Variants in SART1 observed in about 807,000 individuals in gnomAD.
SART1 encodes U4/U6.U5 tri-snRNP-associated protein 1.
SART1 carries 28 observed loss-of-function variants against 105.0 expected under a neutral mutation model. The observed-to-expected ratio is 0.27, with a 90% confidence interval of 0.20 to 0.37. The LOEUF (loss-of-function observed/expected upper bound fraction) is 0.37, where lower values mean the gene tolerates loss of function less well. Ranked by LOEUF, SART1 falls within the 10% of genes least tolerant of loss-of-function variation. The pLI, the probability that SART1 is intolerant of heterozygous loss-of-function variation, is 1.00. For synonymous variants in SART1, 472 were observed against 462.9 expected, an observed-to-expected ratio of 1.02 and a Z score of -0.25; for missense variants, 894 against 1,106.5, an observed-to-expected ratio of 0.81 and a Z score of 2.72.
At chr11:65,962,169 T>A in intron 1 of SART1, 76 bp downstream of exon 1, 2 of 1,124,216 alleles carry the variant, frequency 1.8e-6, no homozygotes, top group Non-Finnish European at 2.4e-6. Flanking sequence ...GTGCGCGCAG[T>A]GTCAGCGAAG....
At chr11:65,969,264 C>T (rs937125147) in intron 12 of SART1, among the ~76,000 whole-genome samples, 2 of 152,130 alleles carry the variant, frequency 1.3e-5, no homozygotes, top group Non-Finnish European at 2.9e-5. Flanking sequence ...AGTGAGTGGG[C>T]GTGGCTGGGT....
At chr11:65,974,892 T>A (rs964821599) in intron 12 of SART1, among the ~76,000 whole-genome samples, 3 of 151,052 alleles carry the variant, frequency 2.0e-5, no homozygotes, top group Admixed American at 6.6e-5. Flanking sequence ...ACAAAAAAAT[T>A]AGCTGGGCGT....
At chr11:65,973,918 G>A (rs1164544378) in intron 12 of SART1, among the ~76,000 whole-genome samples, 3 of 152,000 alleles carry the variant, frequency 2.0e-5, no homozygotes, top group African/African-American at 7.3e-5. Flanking sequence ...ACTGTTCAGG[G>A]GCAGGTCCTT....
At chr11:65,964,183 TG>T in intron 2 of SART1, 52 bp downstream of exon 2, 1 of 1,509,274 alleles carries the variant, frequency 6.6e-7, no homozygotes. Context: ...GAGGTGGCTC[TG>T]GGGCCAGCAC....
In SART1 at chr11:65,976,799, G is replaced by T; in HGVS notation, c.1857+33G>T. The T allele has an allele frequency of 6.5e-7, 1 of 1,546,228 alleles. No individual in the cohort carries two copies. The highest frequency in any genetic ancestry group is 8.8e-7 in the Non-Finnish European group (1 of 1,136,446). ...CCGCGCCGCTGGGGGGTGGGCGTTT[G>T]GGGGTGCTCAAGCTGGAGATGAGCA... On this transcript the variant is annotated intron_variant, in intron 14 of 19. Transcript: ENST00000312397. This position sits in a 1 kb window ranked among gnomAD's most constrained non-coding sequence, Gnocchi z 5.1.
rs138059558 is a variant in SART1, at chr11:65,977,582, G to A, written c.1965G>A (p.Val655=). Residue 655 remains valine (V), a synonymous_variant, in exon 16 of 20, where the codon GTG becomes GTA. Coordinates refer to ENST00000312397, the MANE Select transcript of SART1 (RefSeq NM_005146.5). The stretch of plus-strand genomic sequence containing the variant: ...CCCTAGGGCTGCTGGAGACCACAGT[G>A]CAGAAGGTGGCCCGGGTGAAGGCCC... The part of the protein sequence containing the change: ...CQNKGLLETT[V]QKVARVKAPN... 1.2e-6 allele frequency: 2 copies of A among 1,613,872 alleles called. No individual in the cohort carries two copies. Among genetic ancestry groups the A allele is most frequent in the African/African-American group, 2.7e-5 (2 of 74,880 alleles).
chr11:65,962,125 T>TGGGGGGGGGGG, intron 1 of SART1, 32 bp downstream of exon 1: 14 of 62,120 alleles, frequency 2.3e-4, no homozygotes, highest in South Asian at 3.6e-4. Flanking sequence ...AGGGGGCGGG[T>TGGGGGGGGGGG]CGGGCGGGGG....
intron 3 of SART1, 151 bp downstream of exon 3, chr11:65,964,721 T>C (rs944994375): frequency 6.5e-6 from 5 of 766,508 alleles, no homozygotes; most frequent in African/African-American, 3.5e-5. Flanking sequence ...CTTGCTGGTA[T>C]AATGGGGATC....
chr11:65,978,970 G>C lies in SART1; in HGVS notation c.2385-42G>C. On this transcript the variant is annotated intron_variant, in intron 19 of 19. Coordinates refer to ENST00000312397, the MANE Select transcript of SART1 (RefSeq NM_005146.5). The surrounding 1 kb of genome is among the most constrained non-coding windows in gnomAD (Gnocchi z 6.8). ...GTGGTGGGGAGGGGTGGCGTGGCCT[G>C]TGCCCGCCTCTGCAGCCTCACGCCC... The C allele has an allele frequency of 6.2e-7, 1 of 1,613,556 alleles. No homozygotes were observed. The highest frequency in any genetic ancestry group is 1.6e-4 in the Middle Eastern group (1 of 6,062).
chr11:65,976,991 C>T lies in SART1; in HGVS notation c.1858-23C>T, dbSNP rs1239520747. The T allele has an allele frequency of 2.5e-6, 4 of 1,601,544 alleles. No individual in the cohort carries two copies. In the African/African-American group the frequency reaches 5.4e-5, roughly 21 times the overall value. On this transcript the variant is annotated intron_variant, in intron 14 of 19. Coordinates refer to ENST00000312397, the MANE Select transcript of SART1 (RefSeq NM_005146.5). This position sits in a 1 kb window ranked among gnomAD's most constrained non-coding sequence, Gnocchi z 5.1. ...AGAAGAGCCGGTATGGCCTGCTAACCACCCCCGCCACGTGTCCCGTAGTTC... is the reference window on the plus strand; with the variant it reads ...AGAAGAGCCGGTATGGCCTGCTAACTACCCCCGCCACGTGTCCCGTAGTTC...
intron 12 of SART1, among the ~76,000 whole-genome samples, chr11:65,972,479 T>C (rs1007263528): frequency 1.3e-5 from 2 of 152,160 alleles, no homozygotes; most frequent in Admixed American, 6.6e-5. Flanking sequence ...TTTATAACTT[T>C]TTGGTAGAAA....
chr11:65,979,294 T>C lies in SART1; in HGVS notation c.*264T>C, dbSNP rs1485751640. The C allele has an allele frequency of 6.8e-6, 4 of 586,410 alleles. No individual in the cohort carries two copies. Among genetic ancestry groups the C allele is most frequent in the Admixed American group, 3.0e-5 (1 of 33,302 alleles). 36.3% of individuals were successfully genotyped at this position (586,410 alleles called of 1,614,324 possible). A position where few individuals can be genotyped will look rare whatever the true frequency, so the allele number is the denominator to read the frequency against. The stretch of plus-strand genomic sequence containing the variant: ...CACCTCTGCAGGGCCGGCTCTCTGA[T>C]AGAAAGTGGAAGGCGGTTTTAGAAA... On this transcript the variant is annotated 3_prime_UTR_variant, in exon 20 of 20. Transcript: ENST00000312397.
In SART1 at chr11:65,962,035, G is replaced by A. The variant is rs934172179; in HGVS notation, c.255G>A (p.Gln85=). ...RSSTHGRERS[Q]AEPSERRVKR... is the part of the protein sequence containing the mutation. The stretch of plus-strand genomic sequence containing the variant: ...GCACGCACGGGCGGGAGCGCAGCCA[G>A]GCAGAGCCCTCCGAGCGGCGCGTGA... The change falls in exon 1 of 20, where the codon CAG becomes CAA. Residue 85 remains glutamine, a synonymous_variant. Transcript: ENST00000312397. 6.6e-6 allele frequency: 10 copies of A among 1,505,446 alleles called. No individual in the cohort carries two copies. Among genetic ancestry groups the A allele is most frequent in the Non-Finnish European group, 8.8e-6 (10 of 1,133,020 alleles). 93.3% of individuals were successfully genotyped at this position (1,505,446 alleles called of 1,614,324 possible).
chr11:65,962,134 G>GGTGGGGGGGGGGGGGGGGGGGC, intron 1 of SART1, 41 bp downstream of exon 1: 1 of 378,092 alleles, frequency 2.6e-6, no homozygotes, highest in African/African-American at 2.3e-5. Context: ...GTCGGGCGGG[G>GGTGGGGGGGGGGGGGGGGGGGC]GTCCCGGAAC....
In SART1 at chr11:65,978,271, C is replaced by A; in HGVS notation, c.2173-329C>A. ...CGCCCGACCGTCCTGCCCTACCACT[C>A]AGCTGCCCCCTTGCTCTCTGGGGTT... is the stretch of plus-strand genomic sequence containing the variant. On this transcript the variant is annotated intron_variant, in intron 17 of 19. Transcript: ENST00000312397. The surrounding 1 kb of genome is among the most constrained non-coding windows in gnomAD (Gnocchi z 6.8). 2.0e-6 allele frequency: 1 copy of A among 496,778 alleles called. No homozygotes were observed. The highest frequency in any genetic ancestry group is 2.1e-5 in the South Asian group (1 of 46,534). 30.8% of individuals were successfully genotyped at this position (496,778 alleles called of 1,614,324 possible). A position where few individuals can be genotyped will look rare whatever the true frequency, so the allele number is the denominator to read the frequency against.
At chr11:65,964,193 A>G (rs1347901041) in intron 2 of SART1, 62 bp downstream of exon 2, 2 of 1,387,044 alleles carry the variant, frequency 1.4e-6, no homozygotes, top group East Asian at 2.3e-5. Context: ...TGGGGCCAGC[A>G]CGGGGGAGGC....
intron 12 of SART1, among the ~76,000 whole-genome samples, 168 bp downstream of exon 12, chr11:65,967,989 G>A (rs1452052460): frequency 3.0e-5 from 4 of 132,994 alleles, no homozygotes; most frequent in Admixed American, 2.6e-4. Context: ...TCGCTCTTTC[G>A]CCCAGGCTGG....
chr11:65,967,738 C>G lies in SART1; in HGVS notation c.1489C>G (p.Leu497Val). The G allele has an allele frequency of 1.9e-6, 3 of 1,554,426 alleles. No individual in the cohort carries two copies. Among genetic ancestry groups the G allele is most frequent in the African/African-American group, 1.4e-5 (1 of 73,622 alleles). The change falls in exon 12 of 20, where the codon CTG becomes GTG. Residue 497 changes from leucine to valine, a missense_variant. Around this residue, in one of 2 missense-constraint regions of SART1, gnomAD observed 712 missense variants for 778.2 expected, o/e 0.91. Coordinates refer to ENST00000312397, the MANE Select transcript of SART1 (RefSeq NM_005146.5). Reference protein sequence around the residue: ...PQVLEEDEAELELQKQLEKGR... With the variant: ...PQVLEEDEAEVELQKQLEKGR... ...GGTGCTGGAGGAGGACGAGGCGGAG[C>G]TGGAGCTGCAGAAGCAGCTGGAGAA...
chr11:65,966,407 C>A lies in SART1; in HGVS notation c.1039C>A (p.His347Asn), dbSNP rs750902950. 2 of 1,613,820 alleles carry A rather than the reference C, an allele frequency of 1.2e-6. No individual in the cohort carries two copies. The highest frequency in any genetic ancestry group is 2.7e-5 in the African/African-American group (2 of 74,952). ...YDEELEGERP[H>N]SFRLEQGGTA... ...CGAAGAGCTTGAAGGGGAGCGGCCA[C>A]ATTCCTTCCGCTTGGAGCAGGGCGG... Residue 347 changes from histidine to asparagine, a missense_variant, in exon 9 of 20, where the codon CAT (histidine) becomes AAT (asparagine). His to Asn is a moderately conservative substitution (Grantham distance 68). Around this residue, in one of 2 missense-constraint regions of SART1, gnomAD observed 712 missense variants for 778.2 expected, o/e 0.91. Transcript: ENST00000312397.
Sources: gnomAD v4.1 joint callset for allele counts (sites outside exome capture counted in the v4.1 genomes callset) on GRCh38, gnomAD v4.1.1 for gene constraint, gnomAD v4.1.1 regional missense constraint, Gnocchi (gnomAD v3.1) non-coding constraint, MANE v1.5 for transcripts, NCBI Gene and HGNC (gene_info 2026-07-23, HGNC 2026-07-21) for gene names.